Variants in COL4A5 observed in about 807,000 individuals in gnomAD.
COL4A5 encodes the protein collagen type IV alpha 5 chain.
A neutral mutation model predicts 130.2 loss-of-function variants in COL4A5; 26 were observed. That is an observed-to-expected ratio of 0.20 (90% CI 0.15 to 0.28). COL4A5 has a LOEUF of 0.28. COL4A5 is among the 10% of genes least tolerant of loss of function. The pLI, the probability that COL4A5 is intolerant of heterozygous loss-of-function variation, is 1.00. For synonymous variants in COL4A5, 496 were observed against 439.6 expected, an observed-to-expected ratio of 1.13 and a Z score of -1.60; for missense variants, 1,131 against 1,344.3, an observed-to-expected ratio of 0.84 and a Z score of 2.48.
chrX:108,695,120 A>G lies in COL4A5; in HGVS notation c.4822-147A>G, dbSNP rs1281165221. ...ATCTGCCTATTACTTTTTTTTGACT[A>G]CCCTTGGTGTGGATACTATTGTCTT... On this transcript the variant is annotated intron_variant, in intron 51 of 52. Transcript: ENST00000328300. 4 of 771,367 alleles carry G rather than the reference A, an allele frequency of 5.2e-6. No homozygotes were observed. The Admixed American group carries it at 1.0e-4, about 19-fold the overall frequency. 63.6% of individuals were successfully genotyped at this position (771,367 alleles called of 1,213,427 possible).
intron 28 of COL4A5, among the ~76,000 whole-genome samples, chrX:108,603,499 A>G (rs994964268): frequency 1.8e-5 from 2 of 111,983 alleles, no homozygotes; most frequent in East Asian, 2.8e-4. Flanking sequence ...AAAAAAAACC[A>G]TATGCATACC....
intron 49 of COL4A5, chrX:108,689,645 G>A: frequency 1.3e-6 from 1 of 753,854 alleles, no homozygotes; most frequent in Non-Finnish European, 1.6e-6. Context: ...GTATCTTGAT[G>A]ACTAAGCAAA....
rs755430637 is a variant in COL4A5 at position 108,535,003 on chromosome X, A to G, written c.82-4743A>G. Among the ~76,000 whole-genome samples, 7 of 109,808 alleles carry G rather than the reference A, an allele frequency of 6.4e-5. No individual in the cohort carries two copies. The South Asian group carries it at 1.9e-3, about 30-fold the overall frequency. On this transcript the variant is annotated intron_variant, in intron 1 of 52. Transcript: ENST00000328300. ...TCTTAATGATTATTTCACAGTTTCC[A>G]TGTTTTATCTCTATGCCACATTATA...
intron 1 of COL4A5, among the ~76,000 whole-genome samples, chrX:108,521,626 T>C (rs2065266223): frequency 1.8e-5 from 2 of 111,223 alleles, no homozygotes; most frequent in South Asian, 3.9e-4. Flanking sequence ...AGGGTATTAC[T>C]GTAAATAATA....
rs779676351 is a variant in COL4A5 at position 108,488,912 on chromosome X, C to A, written c.81+48706C>A. On this transcript the variant is annotated intron_variant, in intron 1 of 52. Transcript: ENST00000328300. Reference sequence around the variant, plus strand: ...TTTCGGTAGCATTTTATAATTCACTCATTATACAACTAACATATTATAGTT... The same window carrying A: ...TTTCGGTAGCATTTTATAATTCACTAATTATACAACTAACATATTATAGTT... 1.2e-3 allele frequency among the ~76,000 whole-genome samples: 129 copies of A among 111,587 alleles called. 1 individual carries two copies. The East Asian group carries it at 0.017, about 15-fold the overall frequency.
At chrX:108,447,807 C>T (rs753601410) in intron 1 of COL4A5, among the ~76,000 whole-genome samples, 7 of 111,686 alleles carry the variant, frequency 6.3e-5, no homozygotes, top group East Asian at 2.8e-4. Flanking sequence ...ATAGCAGCTA[C>T]GGAACAGAAG....
At chrX:108,565,997 T>G (rs1204160727) in intron 4 of COL4A5, among the ~76,000 whole-genome samples, 1 of 108,565 alleles carries the variant, frequency 9.2e-6, no homozygotes, top group Non-Finnish European at 1.9e-5. Flanking sequence ...TTTTTTTTTT[T>G]TTTTTGATGT....
intron 1 of COL4A5, among the ~76,000 whole-genome samples, chrX:108,519,015 CTA>C (rs2065244588): frequency 9.0e-6 from 1 of 111,731 alleles, no homozygotes; most frequent in Non-Finnish European, 1.9e-5. Flanking sequence ...CATTGGCTCT[CTA>C]TTTCTTCATG....
At chrX:108,452,797 C>T (rs1026131341) in intron 1 of COL4A5, among the ~76,000 whole-genome samples, 12 of 111,681 alleles carry the variant, frequency 1.1e-4, no homozygotes, top group Admixed American at 7.6e-4. Flanking sequence ...TTCGTCTTTT[C>T]GTAACTGAAT....
intron 1 of COL4A5, among the ~76,000 whole-genome samples, chrX:108,451,279 A>G (rs1260320136): frequency 3.1e-4 from 34 of 110,000 alleles, no homozygotes; most frequent in African/African-American, 1.1e-3. Context: ...AGTCTTTGCT[A>G]TTGTGAATAG....
chrX:108,532,185 T>C (rs1170477371), intron 1 of COL4A5, among the ~76,000 whole-genome samples: 1 of 111,554 alleles, frequency 9.0e-6, no homozygotes, highest in Non-Finnish European at 1.9e-5. Flanking sequence ...TGAAAAACAA[T>C]TTAAAAAATA....
At chrX:108,456,864 C>T (rs1362393499) in intron 1 of COL4A5, among the ~76,000 whole-genome samples, 2 of 112,007 alleles carry the variant, frequency 1.8e-5, no homozygotes, top group Non-Finnish European at 3.8e-5. Context: ...AAATAATAGT[C>T]AAGCCTTTAA....
At chrX:108,548,953 C>G (rs1283870863) in intron 2 of COL4A5, among the ~76,000 whole-genome samples, 1 of 111,013 alleles carries the variant, frequency 9.0e-6, no homozygotes, top group Non-Finnish European at 1.9e-5. Context: ...CATGAAGAGG[C>G]TTGCATTAAA....
chrX:108,639,823 A>G (rs111778212), intron 36 of COL4A5, among the ~76,000 whole-genome samples: 4 of 112,254 alleles, frequency 3.6e-5, no homozygotes, highest in East Asian at 5.6e-4. Context: ...AATGCAGTCA[A>G]TTCTACAGTG....
At position 108,448,412 on chromosome X, in the gene COL4A5, G is replaced by T. The variant is rs189683396; in HGVS notation, c.81+8206G>T. Among the ~76,000 whole-genome samples the T allele has an allele frequency of 7.9e-3, 886 of 111,842 alleles. 5 individuals carry two copies. The highest frequency in any genetic ancestry group is 0.013 in the Non-Finnish European group (709 of 53,119). On this transcript the variant is annotated intron_variant, in intron 1 of 52. Coordinates refer to ENST00000328300, the MANE Select transcript of COL4A5 (RefSeq NM_033380.3). ...AATTCAATCAAATAATATTTTTCCT[G>T]TATATAGGAGAACTGGCTGGTTTGC... is the stretch of plus-strand genomic sequence containing the variant.
rs182577773 is a variant in COL4A5, at chrX:108,555,229, G to C, written c.142-3835G>C. Among the ~76,000 whole-genome samples, 23 of 111,926 alleles carry C rather than the reference G, an allele frequency of 2.1e-4. 1 individual carries two copies. The highest frequency in any genetic ancestry group is 7.5e-5 in the Non-Finnish European group (4 of 53,181). Reference sequence around the variant, plus strand: ...AGCTGACCTACTCAATCTAACTCTGGTGTCAGGGCCAGGTAATGTGTGTTT... The same window carrying C: ...AGCTGACCTACTCAATCTAACTCTGCTGTCAGGGCCAGGTAATGTGTGTTT... On this transcript the variant is annotated intron_variant, in intron 2 of 52. Transcript: ENST00000328300.
At chrX:108,514,578 G>A (rs2065205230) in intron 1 of COL4A5, among the ~76,000 whole-genome samples, 1 of 111,889 alleles carries the variant, frequency 8.9e-6, no homozygotes, top group Non-Finnish European at 1.9e-5. Context: ...GAACAGAGTG[G>A]AAAGATGAGG....
intron 1 of COL4A5, among the ~76,000 whole-genome samples, chrX:108,479,625 G>A (rs2064868999): frequency 9.0e-6 from 1 of 111,705 alleles, no homozygotes; most frequent in South Asian, 3.8e-4. Flanking sequence ...AAGACAGGGT[G>A]GCAGGAGTGA....
At chrX:108,636,765 C>T (rs1432403563) in intron 36 of COL4A5, among the ~76,000 whole-genome samples, 2 of 110,544 alleles carry the variant, frequency 1.8e-5, no homozygotes, top group Non-Finnish European at 3.8e-5. Flanking sequence ...AGTCTTCATA[C>T]ACTTAAAAAG....
Sources: gnomAD v4.1 joint callset for allele counts (sites outside exome capture counted in the v4.1 genomes callset) on GRCh38, gnomAD v4.1.1 for gene constraint, MANE v1.5 for transcripts, NCBI Gene and HGNC (gene_info 2026-07-23, HGNC 2026-07-21) for gene names.